GPC5: variants seen among roughly 807,000 people sequenced by gnomAD.
GPC5 encodes glypican-5.
A neutral mutation model predicts 53.9 loss-of-function variants in GPC5; 47 were observed. The ratio of observed to expected loss-of-function variants is 0.87; its 90% confidence interval spans 0.69 to 1.11. The LOEUF is 1.11. GPC5 is among the 50% of genes most tolerant of loss of function. The pLI, the probability that GPC5 is intolerant of heterozygous loss-of-function variation, is 0.00. For missense variants in GPC5, 748 were observed against 713.1 expected, an observed-to-expected ratio of 1.05 and a Z score of -0.56; for synonymous variants, 286 against 263.3, an observed-to-expected ratio of 1.09 and a Z score of -0.84.
intron 6 of GPC5, among the ~76,000 whole-genome samples, chr13:92,051,632 C>T (rs2041030561): frequency 6.6e-6 from 1 of 152,194 alleles, no homozygotes; most frequent in Admixed American, 6.5e-5. Flanking sequence ...AATAGATATA[C>T]ATTTTGACCT....
At chr13:92,409,650 C>A (rs1214434597) in intron 7 of GPC5, among the ~76,000 whole-genome samples, 1 of 151,990 alleles carries the variant, frequency 6.6e-6, no homozygotes, top group Non-Finnish European at 1.5e-5. Context: ...ATGTGCATCC[C>A]CTTTGACCTA....
chr13:92,193,472 G>A (rs2042237652), intron 7 of GPC5, among the ~76,000 whole-genome samples: 2 of 152,118 alleles, frequency 1.3e-5, no homozygotes, highest in Admixed American at 1.3e-4. Context: ...TTCCCAGAGA[G>A]TTTCCTATAT....
At chr13:92,236,278 T>C (rs2042568950) in intron 7 of GPC5, among the ~76,000 whole-genome samples, 1 of 152,076 alleles carries the variant, frequency 6.6e-6, no homozygotes, top group African/African-American at 2.4e-5. Context: ...CTCTCCATGA[T>C]GAAACTTGTA....
intron 5 of GPC5, among the ~76,000 whole-genome samples, chr13:91,791,504 T>C (rs2037963527): frequency 6.6e-6 from 1 of 152,112 alleles, no homozygotes; most frequent in Non-Finnish European, 1.5e-5. Flanking sequence ...GAAATGAAAG[T>C]ATGAGATCTG....
chr13:92,201,854 G>T (rs1377582646), intron 7 of GPC5, among the ~76,000 whole-genome samples: 1 of 152,150 alleles, frequency 6.6e-6, no homozygotes, highest in African/African-American at 2.4e-5. Flanking sequence ...ACAATTGATG[G>T]AGTCTTTGAT....
intron 7 of GPC5, among the ~76,000 whole-genome samples, chr13:92,381,856 T>TA (rs1167985468): frequency 0.013 from 800 of 63,608 alleles, 11 homozygotes; most frequent in Non-Finnish European, 0.022. Flanking sequence ...TGATCATATA[T>TA]GATTATATAT....
intron 7 of GPC5, among the ~76,000 whole-genome samples, chr13:92,271,627 G>A (rs190331809): frequency 1.6e-4 from 25 of 152,256 alleles, no homozygotes; most frequent in African/African-American, 5.5e-4. Flanking sequence ...GTTTAGTAAG[G>A]ATGTAAGGCA....
intron 7 of GPC5, among the ~76,000 whole-genome samples, chr13:92,466,682 G>T (rs1347373398): frequency 3.9e-5 from 6 of 152,080 alleles, no homozygotes; most frequent in Non-Finnish European, 8.8e-5. Context: ...CAGTGATAGA[G>T]TAATTAAAAA....
chr13:92,206,874 C>T (rs2042341665), intron 7 of GPC5, among the ~76,000 whole-genome samples: 1 of 152,072 alleles, frequency 6.6e-6, no homozygotes, highest in Admixed American at 6.6e-5. Context: ...CTCAGGTTTG[C>T]TGGTTTACAT....
chr13:91,517,174 C>T (rs1885550804), intron 2 of GPC5, among the ~76,000 whole-genome samples: 1 of 152,144 alleles, frequency 6.6e-6, no homozygotes, highest in Admixed American at 6.5e-5. Context: ...TGAATTTCTC[C>T]CCAGAAAATG....
intron 6 of GPC5, among the ~76,000 whole-genome samples, chr13:92,043,737 G>A (rs117036973): frequency 3.9e-5 from 6 of 152,234 alleles, no homozygotes; most frequent in East Asian, 1.9e-4. Flanking sequence ...TAAGAATATC[G>A]GGTGTTGGAA....
At chr13:91,884,569 A>G (rs1316069152) in intron 5 of GPC5, among the ~76,000 whole-genome samples, 2 of 152,174 alleles carry the variant, frequency 1.3e-5, no homozygotes, top group African/African-American at 4.8e-5. Context: ...CACAGACGGG[A>G]ACAACATTGA....
chr13:92,703,005 T>G (rs1887804971), intron 7 of GPC5, among the ~76,000 whole-genome samples: 1 of 151,874 alleles, frequency 6.6e-6, no homozygotes, highest in Admixed American at 6.6e-5. Flanking sequence ...AAAATTCAAT[T>G]CTTCCCCCAC....
chr13:92,464,474 C>CTATTTTTA lies in GPC5; in HGVS notation c.1561+319487_1561+319494dup, dbSNP rs1160772181. On this transcript the variant is annotated intron_variant, in intron 7 of 7. Coordinates refer to ENST00000377067, the MANE Select transcript of GPC5 (RefSeq NM_004466.6). ...TTGTACAAATCTGTCTTCTTTGGTG[C>CTATTTTTA]TATTTTTATCTTCATCCATTAACCC... Among the ~76,000 whole-genome samples the CTATTTTTA allele has an allele frequency of 9.2e-5, 14 of 152,030 alleles. No homozygotes were observed. In the South Asian group the frequency reaches 1.9e-3, roughly 20 times the overall value.
At chr13:92,601,081 T>C (rs952439394) in intron 7 of GPC5, among the ~76,000 whole-genome samples, 1 of 152,196 alleles carries the variant, frequency 6.6e-6, no homozygotes, top group African/African-American at 2.4e-5. Context: ...AATTTAGTTA[T>C]AAGGTAGAGA....
intron 7 of GPC5, among the ~76,000 whole-genome samples, chr13:92,174,902 T>G (rs2042098715): frequency 6.6e-6 from 1 of 152,194 alleles, no homozygotes; most frequent in Admixed American, 6.5e-5. Context: ...CAGGCTGGAG[T>G]GCAGTGGCCC....
chr13:92,012,570 T>C (rs117806113), intron 6 of GPC5, among the ~76,000 whole-genome samples: 5,703 of 152,294 alleles, frequency 0.037, 146 homozygotes, highest in Middle Eastern at 0.055. Context: ...AAGTAAATTA[T>C]AAATTTGAAT....
chr13:92,311,975 A>T (rs752606568), intron 7 of GPC5, among the ~76,000 whole-genome samples: 9 of 152,138 alleles, frequency 5.9e-5, no homozygotes, highest in Non-Finnish European at 1.2e-4. Context: ...AATTACCTGG[A>T]ATTTAGAGGT....
intron 2 of GPC5, among the ~76,000 whole-genome samples, chr13:91,453,486 A>C (rs899489838): frequency 6.6e-6 from 1 of 152,108 alleles, no homozygotes; most frequent in Non-Finnish European, 1.5e-5. Flanking sequence ...AGAGCACATT[A>C]ATCTTATTTA....
Sources: allele counts gnomAD v4.1 joint callset (sites outside exome capture counted in the v4.1 genomes callset), GRCh38; gene constraint gnomAD v4.1.1; transcripts MANE v1.5; gene names NCBI Gene and HGNC (gene_info 2026-07-23, HGNC 2026-07-21).